WDFY3: variants seen among roughly 807,000 people sequenced by gnomAD.
WDFY3 encodes the protein WD repeat and FYVE domain containing 3, also known as WD repeat and FYVE domain-containing protein 3.
In WDFY3, 66 loss-of-function variants were observed where a neutral mutation model predicts 409.6. The observed-to-expected ratio is 0.16, with a 90% CI of 0.13 to 0.20. The LOEUF is 0.20. Ranked by LOEUF, WDFY3 falls within the 10% of genes least tolerant of loss-of-function variation. The probability of loss-of-function intolerance (pLI) is 1.00; values close to 1 mark genes in which losing one functional copy is unlikely to be tolerated. For synonymous variants in WDFY3, 1,521 were observed against 1,537.1 expected, an observed-to-expected ratio of 0.99 and a Z score of 0.25; for missense variants, 3,031 against 4,298.1, an observed-to-expected ratio of 0.71 and a Z score of 8.24.
Position 84,736,159 on chromosome 4 carries a change from TA to T in WDFY3, c.6915+10del. ...CTACAACTAATATCAGCAATGAAACTAAAAAAGTACCTGGGTGGAAAGACTG... is the reference window on the plus strand; with the variant it reads ...CTACAACTAATATCAGCAATGAAACTAAAAAGTACCTGGGTGGAAAGACTG... On this transcript the variant is annotated intron_variant, in intron 42 of 67. Transcript: ENST00000295888. The T allele has an allele frequency of 6.2e-7, 1 of 1,602,898 alleles. No homozygotes were observed. Among genetic ancestry groups the T allele is most frequent in the South Asian group, 1.1e-5 (1 of 88,410 alleles).
chr4:84,794,864 G>A lies in WDFY3; in HGVS notation c.3268+15C>T, dbSNP rs1011293304. On this transcript the variant is annotated intron_variant, in intron 20 of 67. Transcript: ENST00000295888. ...TAGAAAAAAAACTCATAAGCAGAAA[G>A]CAAATATTACTTACCAGAACCAATG... The A allele has an allele frequency of 1.3e-6, 2 of 1,553,814 alleles. No homozygotes were observed. Among genetic ancestry groups the A allele is most frequent in the Middle Eastern group, 1.7e-4 (1 of 5,786 alleles).
At chr4:84,676,946 CTAAAT>C (rs1726398989) in intron 67 of WDFY3, among the ~76,000 whole-genome samples, 1 of 152,126 alleles carries the variant, frequency 6.6e-6, no homozygotes, top group African/African-American at 2.4e-5. Flanking sequence ...ATACAGGTCT[CTAAAT>C]TAAATACGAT....
chr4:84,963,464 AG>A (rs1775198456), intron 1 of WDFY3, among the ~76,000 whole-genome samples: 1 of 151,384 alleles, frequency 6.6e-6, no homozygotes, highest in Non-Finnish European at 1.5e-5. Flanking sequence ...AAAAAAGAAG[AG>A]GGGAAATTCG....
intron 3 of WDFY3, among the ~76,000 whole-genome samples, chr4:84,872,103 A>T (rs1275789756): frequency 6.6e-6 from 1 of 152,194 alleles, no homozygotes; most frequent in East Asian, 1.9e-4. Context: ...TACCTCAGTG[A>T]TACAAAGTGT....
chr4:84,933,935 C>T (rs911005753), intron 1 of WDFY3, among the ~76,000 whole-genome samples: 4 of 152,024 alleles, frequency 2.6e-5, no homozygotes, highest in Non-Finnish European at 5.9e-5. Flanking sequence ...CTGATAGACA[C>T]TTAGTTTGCA....
At chr4:84,923,536 C>T (rs1020424342) in intron 2 of WDFY3, among the ~76,000 whole-genome samples, 21 of 152,104 alleles carry the variant, frequency 1.4e-4, no homozygotes, top group African/African-American at 5.1e-4. Flanking sequence ...ATGCTTTTCT[C>T]CTGTTAATGG....
At chr4:84,724,305 A>G in intron 46 of WDFY3, 121 bp downstream of exon 46, 1 of 1,136,866 alleles carries the variant, frequency 8.8e-7, no homozygotes. Context: ...GAGATGGTAA[A>G]ATGTGTATGG....
At chr4:84,696,928 AC>A (rs1730248794) in intron 56 of WDFY3, 105 bp from the exon 57 acceptor site, 4 of 951,558 alleles carry the variant, frequency 4.2e-6, no homozygotes, top group Non-Finnish European at 6.3e-6. Flanking sequence ...CAATACCAGA[AC>A]GCTAAAATTG....
chr4:84,693,558 G>C (rs1729603803), intron 58 of WDFY3, among the ~76,000 whole-genome samples: 1 of 152,064 alleles, frequency 6.6e-6, no homozygotes, highest in Non-Finnish European at 1.5e-5. Context: ...AGGGAAAAAA[G>C]AAAACAAAAA....
intron 64 of WDFY3, 105 bp from the exon 65 acceptor site, chr4:84,679,347 A>G: frequency 8.7e-7 from 1 of 1,143,400 alleles, no homozygotes; most frequent in Non-Finnish European, 1.2e-6. Flanking sequence ...CTCTATAGAC[A>G]TAATATTTTA....
At chr4:84,770,339 A>AT (rs1318866474) in intron 30 of WDFY3, among the ~76,000 whole-genome samples, 1 of 152,056 alleles carries the variant, frequency 6.6e-6, no homozygotes, top group African/African-American at 2.4e-5. Flanking sequence ...AGTTATATAC[A>AT]TTTTTTAAAA....
intron 2 of WDFY3, among the ~76,000 whole-genome samples, chr4:84,898,287 T>C (rs550775949): frequency 2.0e-5 from 3 of 152,196 alleles, no homozygotes; most frequent in African/African-American, 7.2e-5. Context: ...AACTTCATAT[T>C]AAATTTGTAA....
chr4:84,754,845 TTATA>T (rs1258812453), intron 34 of WDFY3, among the ~76,000 whole-genome samples: 23 of 152,304 alleles, frequency 1.5e-4, no homozygotes, highest in African/African-American at 5.1e-4. Flanking sequence ...GTACTCATTA[TTATA>T]TATTTTATTA....
intron 64 of WDFY3, among the ~76,000 whole-genome samples, chr4:84,681,218 C>T (rs1287009149): frequency 6.6e-6 from 1 of 152,168 alleles, no homozygotes; most frequent in Non-Finnish European, 1.5e-5. Context: ...ACAATAAAGA[C>T]ATACAAATAT....
intron 32 of WDFY3, among the ~76,000 whole-genome samples, chr4:84,758,720 T>C: frequency 6.6e-6 from 1 of 152,276 alleles, no homozygotes; most frequent in African/African-American, 2.4e-5. Flanking sequence ...GCTCTTCTAA[T>C]TAATAAAAAA....
At chr4:84,897,996 G>A (rs545412037) in intron 2 of WDFY3, among the ~76,000 whole-genome samples, 13 of 152,214 alleles carry the variant, frequency 8.5e-5, no homozygotes, top group African/African-American at 3.1e-4. Context: ...TCCTAACAAT[G>A]ACATTCACAA....
At position 84,740,337 on chromosome 4, in the gene WDFY3, C is replaced by T. The variant is rs749960381; in HGVS notation, c.6314G>A (p.Arg2105Gln). Residue 2105 changes from arginine to glutamine, a missense_variant, in exon 39 of 68, where the codon CGG (arginine) becomes CAG (glutamine). Physicochemically the swap from Arg to Gln is conservative, Grantham distance 43. Transcript: ENST00000295888. ...TTGCTGAGGAACGGTTTTGTGTGCC[C>T]GTGAGAACTGGTACAAGATGGTCCT... Reference protein sequence around the residue: ...LNRTILYQFSRAHKTVPQQVA... With the variant: ...LNRTILYQFSQAHKTVPQQVA... The T allele has an allele frequency of 1.2e-6, 2 of 1,613,968 alleles. No individual in the cohort carries two copies. The highest frequency in any genetic ancestry group is 1.1e-5 in the South Asian group (1 of 91,070).
rs146463647 is a variant in WDFY3, at chr4:84,893,825, T to C, written c.-32+3086A>G. On this transcript the variant is annotated intron_variant, in intron 3 of 67. Transcript: ENST00000295888. ...GATGGTGAAACCTCGTCTCTACTAA[T>C]AATACAAGAAAAAAATTAGCCAGAT... Among the ~76,000 whole-genome samples the C allele has an allele frequency of 6.1e-3, 919 of 151,838 alleles. 12 individuals are homozygous for C. The highest frequency in any genetic ancestry group is 0.021 in the African/African-American group (867 of 41,434).
rs75268288 is a variant in WDFY3 at position 84,682,129 on chromosome 4, A to C, written c.9823+245T>G. ...AAAGCCTTTGGTACTCTAGGAAGTA[A>C]GTGCTATATTTAGTATGGAATGTGG... On this transcript the variant is annotated intron_variant, in intron 64 of 67. Transcript: ENST00000295888. Among the ~76,000 whole-genome samples, 1,276 of 152,320 alleles carry C rather than the reference A, an allele frequency of 8.4e-3. 22 individuals carry two copies. The highest frequency in any genetic ancestry group is 0.029 in the African/African-American group (1,206 of 41,560).
Sources: gnomAD v4.1 joint callset for allele counts (sites outside exome capture counted in the v4.1 genomes callset) on GRCh38, gnomAD v4.1.1 for gene constraint, MANE v1.5 for transcripts, NCBI Gene and HGNC (gene_info 2026-07-23, HGNC 2026-07-21) for gene names.